TCF20: variants seen among roughly 807,000 people sequenced by gnomAD.
The protein encoded by TCF20 is SPRE-binding protein.
In TCF20, 3 loss-of-function variants were observed where a neutral mutation model predicts 148.6. That is an observed-to-expected ratio of 0.02 (90% CI 0.01 to 0.05). The LOEUF (loss-of-function observed/expected upper bound fraction) is 0.05. Among genes scored for constraint, TCF20 ranks in the 10% least tolerant of loss-of-function variants. The pLI is 1.00. For synonymous variants in TCF20, 1,049 were observed against 909.5 expected (o/e 1.15, Z -2.76); for missense variants, 2,350 against 2,429.3 (o/e 0.97, Z 0.69).
In TCF20 at chr22:42,215,172, C is replaced by G; in HGVS notation, c.134G>C (p.Gly45Ala). Residue 45 changes from glycine (G) to alanine (A), a missense_variant, in exon 2 of 6, where the codon GGT becomes GCT. Gly to Ala is a moderately conservative substitution (Grantham distance 60). This residue lies in a region of TCF20 where 1,641 missense variants were observed against 1,662.6 expected (regional missense o/e 0.99). Transcript: ENST00000677622. Reference protein sequence around the residue: ...AQMFQNFGGTGGSSGSSGSGS... With the variant: ...AQMFQNFGGTAGSSGSSGSGS... ...ACTGCCACTGCTGCCACTACTGCCA[C>G]CTGTACCTCCAAAATTCTGGAACAT... 1 of 1,614,202 alleles carries G rather than the reference C, an allele frequency of 6.2e-7. No individual in the cohort carries two copies. The highest frequency in any genetic ancestry group is 8.5e-7 in the Non-Finnish European group (1 of 1,180,022).
chr22:42,171,203 A>C (rs909326284), intron 3 of TCF20, among the ~76,000 whole-genome samples: 2 of 152,236 alleles, frequency 1.3e-5, no homozygotes, highest in African/African-American at 4.8e-5. Context: ...CAGCTCCTGG[A>C]GACCGACAGC....
At chr22:42,202,244 G>A (rs1938080631) in intron 2 of TCF20, among the ~76,000 whole-genome samples, 1 of 152,178 alleles carries the variant, frequency 6.6e-6, no homozygotes, top group African/African-American at 2.4e-5. Context: ...AATGAGGGAG[G>A]ACACCATCTG....
chr22:42,194,176 T>A (rs766663227), intron 2 of TCF20, among the ~76,000 whole-genome samples: 2 of 152,292 alleles, frequency 1.3e-5, no homozygotes, highest in Admixed American at 6.5e-5. Context: ...TACAGCTAAT[T>A]TGGAAGATCT....
At chr22:42,316,138 A>G (rs1927627094) in intron 1 of TCF20, among the ~76,000 whole-genome samples, 1 of 151,640 alleles carries the variant, frequency 6.6e-6, no homozygotes, top group African/African-American at 2.4e-5. Context: ...AAAGATTTAA[A>G]GACAAGAGGC....
At chr22:42,259,382 T>C (rs2147370659) in intron 1 of TCF20, among the ~76,000 whole-genome samples, 1 of 152,258 alleles carries the variant, frequency 6.6e-6, no homozygotes, top group Admixed American at 6.5e-5. Context: ...AAACAACTTC[T>C]CTACATACTT....
At chr22:42,269,921 G>A (rs1240937350) in intron 1 of TCF20, 1 of 152,182 alleles carries the variant, frequency 6.6e-6, no homozygotes, top group Non-Finnish European at 1.5e-5. Flanking sequence ...AGCGCGGCCG[G>A]TGCCCCCGGG....
intron 3 of TCF20, among the ~76,000 whole-genome samples, chr22:42,178,073 G>A (rs1157284113): frequency 6.6e-6 from 1 of 152,090 alleles, no homozygotes; most frequent in African/African-American, 2.4e-5. Flanking sequence ...AAAAATCCGT[G>A]AACTACTGGA....
intron 1 of TCF20, among the ~76,000 whole-genome samples, chr22:42,267,614 T>C (rs1182956138): frequency 1.3e-5 from 2 of 152,076 alleles, no homozygotes; most frequent in Non-Finnish European, 2.9e-5. Context: ...GGTGGGAGAA[T>C]TGCTTGAACC....
chr22:42,178,422 A>G (rs571183549), intron 3 of TCF20, among the ~76,000 whole-genome samples: 2 of 151,766 alleles, frequency 1.3e-5, no homozygotes, highest in Non-Finnish European at 2.9e-5. Flanking sequence ...TAGGGGCTGC[A>G]CTAACTCTGC....
intron 1 of TCF20, among the ~76,000 whole-genome samples, chr22:42,231,871 G>GT (rs1252606657): frequency 1.4e-5 from 2 of 144,892 alleles, no homozygotes; most frequent in East Asian, 4.2e-4. Context: ...GGAGCTTGCA[G>GT]TGAGCCAAGA....
chr22:42,183,098 G>A (rs1026586092), intron 2 of TCF20, among the ~76,000 whole-genome samples: 2 of 152,208 alleles, frequency 1.3e-5, no homozygotes, highest in Non-Finnish European at 2.9e-5. Flanking sequence ...AGGCTATTCT[G>A]ATGTACAATG....
rs938790355 is a variant in TCF20, at chr22:42,185,750, G to A, written c.5656-6048C>T. 4.3e-4 allele frequency among the ~76,000 whole-genome samples: 66 copies of A among 152,248 alleles called. 1 individual carries two copies. Among genetic ancestry groups the A allele is most frequent in the Admixed American group, 4.2e-3 (65 of 15,298 alleles). On this transcript the variant is annotated intron_variant, in intron 2 of 5. Coordinates refer to ENST00000677622, the MANE Select transcript of TCF20 (RefSeq NM_001378418.1). ...ATACATACATAGCCCTAGGTGTTTT[G>A]GTCCTTACTTCCTTAGAGCTAGACG...
Position 42,299,902 on chromosome 22 carries a change from G to T in TCF20, c.-37+43577C>A, listed in dbSNP as rs942954262. Among the ~76,000 whole-genome samples the T allele has an allele frequency of 2.0e-5, 3 of 149,222 alleles. No individual in the cohort carries two copies. The highest frequency in any genetic ancestry group is 4.5e-5 in the Non-Finnish European group (3 of 67,280). ...AAGGGGTAGAAGGGAAGCTTGGAGC[G>T]GGTGGAGGAGGAGGGGGAAAGGGAG... On this transcript the variant is annotated intron_variant, in intron 1 of 1. Coordinates refer to the TCF20 transcript ENST00000515426. This position sits in a 1 kb window ranked among gnomAD's most constrained non-coding sequence, Gnocchi z 4.1.
chr22:42,195,468 G>C (rs1047032531), intron 2 of TCF20, among the ~76,000 whole-genome samples: 1 of 150,572 alleles, frequency 6.6e-6, no homozygotes, highest in African/African-American at 2.4e-5. Context: ...ATTCTGACCA[G>C]CATATTCACA....
At chr22:42,179,924 A>C (rs1482344263) in intron 2 of TCF20, among the ~76,000 whole-genome samples, 2 of 152,170 alleles carry the variant, frequency 1.3e-5, no homozygotes, top group Non-Finnish European at 2.9e-5. Flanking sequence ...AAATGTTCTC[A>C]AATCAACAAT....
At chr22:42,323,157 C>T (rs1336584422) in intron 1 of TCF20, among the ~76,000 whole-genome samples, 3 of 151,796 alleles carry the variant, frequency 2.0e-5, no homozygotes, top group Non-Finnish European at 4.4e-5. Context: ...CCACCTCAGC[C>T]TCCCAAAGTG....
chr22:42,304,285 GA>G (rs1368027371), intron 1 of TCF20, among the ~76,000 whole-genome samples: 1 of 152,216 alleles, frequency 6.6e-6, no homozygotes, highest in African/African-American at 2.4e-5. Flanking sequence ...TTCCCGCCTA[GA>G]AATTCCATAA....
At chr22:42,219,331 C>T (rs1031463101) in intron 1 of TCF20, among the ~76,000 whole-genome samples, 1 of 95,024 alleles carries the variant, frequency 1.1e-5, no homozygotes, top group African/African-American at 3.7e-5. Context: ...ATGTGCTCCA[C>T]CCTGGGTGAC....
intron 1 of TCF20, among the ~76,000 whole-genome samples, chr22:42,326,206 AGC>A (rs1033209109): frequency 1.3e-5 from 2 of 152,106 alleles, no homozygotes; most frequent in Non-Finnish European, 2.9e-5. Flanking sequence ...TCTGGAACCA[AGC>A]GGGACCACCC....
Sources: gnomAD v4.1 joint callset for allele counts (sites outside exome capture counted in the v4.1 genomes callset) on GRCh38, gnomAD v4.1.1 for gene constraint, gnomAD v4.1.1 regional missense constraint, Gnocchi (gnomAD v3.1) non-coding constraint, MANE v1.5 for transcripts, NCBI Gene and HGNC (gene_info 2026-07-23, HGNC 2026-07-21) for gene names.